The following TBC1D1 variants were observed in gnomAD, a reference collection of about 807,000 sequenced individuals.
The protein encoded by TBC1D1 is TBC1 domain family member 1.
TBC1D1 carries 89 observed loss-of-function variants against 125.6 expected under a neutral mutation model. That is an observed-to-expected ratio of 0.71 (90% CI 0.60 to 0.85). The LOEUF is 0.85. Ranked by LOEUF, TBC1D1 falls within the 40% of genes least tolerant of loss-of-function variation. The pLI, the probability that TBC1D1 is intolerant of heterozygous loss-of-function variation, is 0.00. For missense variants in TBC1D1, 1,377 were observed against 1,469.2 expected, an observed-to-expected ratio of 0.94 and a Z score of 1.03; for synonymous variants, 565 against 564.1, an observed-to-expected ratio of 1.00 and a Z score of -0.02.
intron 12 of TBC1D1, among the ~76,000 whole-genome samples, chr4:38,066,265 C>CT (rs34977188): frequency 0.3 from 41,222 of 137,530 alleles, 6,352 homozygotes; most frequent in East Asian, 0.55. Context: ...TTATTAGCAA[C>CT]TTTTTTTTTT....
intron 18 of TBC1D1, among the ~76,000 whole-genome samples, chr4:38,127,784 G>T (rs1248713451): frequency 1.3e-5 from 2 of 152,174 alleles, no homozygotes; most frequent in Admixed American, 1.3e-4. Context: ...TAGAAAGGCA[G>T]GGTCTGTGGG....
chr4:38,112,817 C>A (rs1175562616), intron 15 of TBC1D1, among the ~76,000 whole-genome samples: 1 of 152,180 alleles, frequency 6.6e-6, no homozygotes, highest in African/African-American at 2.4e-5. Context: ...CGAGCGGGTC[C>A]CCACACTCCA....
At chr4:37,939,823 A>G (rs1344347960) in intron 2 of TBC1D1, among the ~76,000 whole-genome samples, 1 of 152,216 alleles carries the variant, frequency 6.6e-6, no homozygotes, top group Non-Finnish European at 1.5e-5. Flanking sequence ...GTCAAAGATC[A>G]GATGGTTATA....
chr4:38,015,024 A>G, intron 3 of TBC1D1, 51 bp downstream of exon 3: 1 of 1,449,994 alleles, frequency 6.9e-7, no homozygotes, highest in Non-Finnish European at 9.3e-7. Flanking sequence ...TACGCTTTCA[A>G]GAGAAAATCT....
At chr4:37,965,419 C>T (rs115067928) in intron 2 of TBC1D1, among the ~76,000 whole-genome samples, 1,603 of 152,298 alleles carry the variant, frequency 0.011, 26 homozygotes, top group African/African-American at 0.037. Flanking sequence ...TTCTTACCAT[C>T]TAGGGTTGGG....
At chr4:38,028,088 C>T (rs1331484751) in intron 7 of TBC1D1, among the ~76,000 whole-genome samples, 6 of 150,740 alleles carry the variant, frequency 4.0e-5, no homozygotes, top group African/African-American at 1.5e-4. Context: ...ATAAAAGACA[C>T]GATAGCTGAT....
At chr4:38,113,111 A>G (rs562581905) in intron 15 of TBC1D1, among the ~76,000 whole-genome samples, 39 of 152,330 alleles carry the variant, frequency 2.6e-4, no homozygotes, top group African/African-American at 9.1e-4. Context: ...GCCTCCCCCT[A>G]AATTGGTACA....
chr4:38,049,513 A>G (rs1014801282), intron 10 of TBC1D1, 105 bp from the exon 11 acceptor site: 4 of 1,364,784 alleles, frequency 2.9e-6, no homozygotes. Context: ...TTATAATCAG[A>G]ACACATACTT....
chr4:38,132,258 T>C (rs964631148), intron 18 of TBC1D1, among the ~76,000 whole-genome samples: 2 of 152,078 alleles, frequency 1.3e-5, no homozygotes, highest in Admixed American at 6.6e-5. Flanking sequence ...ACGTTAGGGC[T>C]TCACTGCTGT....
intron 2 of TBC1D1, among the ~76,000 whole-genome samples, chr4:37,993,681 A>G (rs1295267133): frequency 6.6e-6 from 1 of 152,168 alleles, no homozygotes; most frequent in African/African-American, 2.4e-5. Context: ...TCCCGGGTTC[A>G]AGCAATTCTC....
intron 2 of TBC1D1, among the ~76,000 whole-genome samples, chr4:37,956,793 G>A (rs1729019684): frequency 1.3e-5 from 2 of 152,118 alleles, no homozygotes; most frequent in Admixed American, 6.5e-5. Flanking sequence ...CTAAAAATTA[G>A]CCAGGTGTGG....
At chr4:38,102,406 C>T (rs181532760) in intron 14 of TBC1D1, among the ~76,000 whole-genome samples, 44 of 151,838 alleles carry the variant, frequency 2.9e-4, no homozygotes, top group African/African-American at 9.4e-4. Flanking sequence ...GAGCTCAGGT[C>T]GTATTCTTTA....
chr4:37,962,651 A>G (rs934128798), intron 2 of TBC1D1, among the ~76,000 whole-genome samples: 1 of 152,244 alleles, frequency 6.6e-6, no homozygotes, highest in African/African-American at 2.4e-5. Context: ...CTTCAGTTTC[A>G]TCACCTGTAA....
chr4:37,947,658 TA>T (rs1726994110), intron 2 of TBC1D1, among the ~76,000 whole-genome samples: 1 of 152,160 alleles, frequency 6.6e-6, no homozygotes, highest in Non-Finnish European at 1.5e-5. Context: ...AGGGTCTCAC[TA>T]TGTTGCCCAG....
intron 2 of TBC1D1, among the ~76,000 whole-genome samples, chr4:37,942,544 T>A (rs1432028807): frequency 6.6e-6 from 1 of 152,052 alleles, no homozygotes; most frequent in African/African-American, 2.4e-5. Context: ...GGTGTTTTTT[T>A]TGTTTTTTTT....
rs1578837005 is a variant in TBC1D1, at chr4:38,125,134, A to T, written c.3132+3A>T. 11 of 1,613,964 alleles carry T rather than the reference A, an allele frequency of 6.8e-6. No individual in the cohort carries two copies. The highest frequency in any genetic ancestry group is 9.3e-6 in the Non-Finnish European group (11 of 1,179,928). On this transcript the variant is annotated splice_donor_region_variant and intron_variant, in intron 18 of 19. Transcript: ENST00000261439. Reference sequence around the variant, plus strand: ...AGATGGAAAAGACCATCAATCAGGTATGAGTCAGTCCAAACCTTGCAAATG... The same window carrying T: ...AGATGGAAAAGACCATCAATCAGGTTTGAGTCAGTCCAAACCTTGCAAATG...
At chr4:38,017,651 G>A (rs899888806) in intron 3 of TBC1D1, among the ~76,000 whole-genome samples, 5 of 152,330 alleles carry the variant, frequency 3.3e-5, no homozygotes, top group South Asian at 4.1e-4. Flanking sequence ...AAGAATGGCA[G>A]CGTCAGGATG....
chr4:38,027,803 A>G lies in TBC1D1; in HGVS notation c.1226A>G (p.Lys409Arg), dbSNP rs1745353038. 2 of 1,610,266 alleles carry G rather than the reference A, an allele frequency of 1.2e-6. No individual in the cohort carries two copies. Among genetic ancestry groups the G allele is most frequent in the East Asian group, 2.2e-5 (1 of 44,858 alleles). Residue 409 changes from lysine (K) to arginine (R), a missense_variant, in exon 7 of 20, where the codon AAA (lysine) becomes AGA (arginine). This residue lies in a region of TBC1D1 where 822 missense variants were observed against 824.6 expected (regional missense o/e 1.00). Coordinates refer to ENST00000261439, the MANE Select transcript of TBC1D1 (RefSeq NM_015173.4). ...CTCTTAATAGGAATGAATTCTTCCA[A>G]AACAAAACTAGAACTGCAAAAGCAC...
chr4:38,048,762 A>T (rs751615532), intron 10 of TBC1D1, among the ~76,000 whole-genome samples: 1 of 152,120 alleles, frequency 6.6e-6, no homozygotes, highest in Admixed American at 6.5e-5. Context: ...TTAAAAATAT[A>T]TTGGCCACTA....
Sources: gnomAD v4.1 joint callset for allele counts (sites outside exome capture counted in the v4.1 genomes callset) on GRCh38, gnomAD v4.1.1 for gene constraint, gnomAD v4.1.1 regional missense constraint, MANE v1.5 for transcripts, NCBI Gene and HGNC (gene_info 2026-07-23, HGNC 2026-07-21) for gene names.